The following DLGAP1 variants were observed in gnomAD, a reference collection of about 807,000 sequenced individuals.
The protein encoded by DLGAP1 is DLG associated protein 1, also known as disks large-associated protein 1.
A neutral mutation model predicts 90.8 loss-of-function variants in DLGAP1; 11 were observed. The ratio of observed to expected loss-of-function variants is 0.12; its 90% CI spans 0.08 to 0.20. The LOEUF is 0.20. DLGAP1 is among the 10% of genes least tolerant of loss of function. DLGAP1 has a pLI of 1.00. For synonymous variants in DLGAP1, 558 were observed against 540.7 expected (o/e 1.03, Z -0.44); for missense variants, 1,050 against 1,333.8 (o/e 0.79, Z 3.31).
chr18:4,367,493 G>C (rs371535077), intron 1 of DLGAP1, among the ~76,000 whole-genome samples: 11 of 151,938 alleles, frequency 7.2e-5, no homozygotes, highest in African/African-American at 2.7e-4. Context: ...AAAGAATCAA[G>C]TTACTCCTTA....
chr18:4,120,893 C>G (rs535229565), intron 2 of DLGAP1, among the ~76,000 whole-genome samples: 1 of 152,236 alleles, frequency 6.6e-6, no homozygotes, highest in East Asian at 1.9e-4. Flanking sequence ...AGGCTAGATA[C>G]TGGGCTAGGC....
chr18:4,409,359 G>A (rs1291572119), intron 1 of DLGAP1, among the ~76,000 whole-genome samples: 2 of 152,018 alleles, frequency 1.3e-5, no homozygotes, highest in African/African-American at 4.8e-5. Flanking sequence ...TATGTGGAAG[G>A]CAGTAAGCAG....
Position 3,600,767 on chromosome 18 carries a change from TATATATAGATATATAGATATATATAG to T in DLGAP1, c.1592-18545_1592-18520del, listed in dbSNP as rs2056887137. On this transcript the variant is annotated intron_variant, in intron 7 of 12. Coordinates refer to ENST00000315677, the MANE Select transcript of DLGAP1 (RefSeq NM_004746.4). Reference sequence around the variant, plus strand: ...ATATAGATATATATAGATATATAGATATATATAGATATATAGATATATATAGATATATAGATATATAGATATATATA... The same window carrying T: ...ATATAGATATATATAGATATATAGATATATATAGATATATAGATATATATA... Among the ~76,000 whole-genome samples the T allele has an allele frequency of 5.1e-4, 18 of 35,290 alleles. 1 individual carries two copies. The highest frequency in any genetic ancestry group is 1.7e-3 in the Admixed American group (6 of 3,464). The allele number at this position is 35,290 out of a possible 152,430, so 23.2% of individuals were successfully genotyped here.
rs561179200 is a variant in DLGAP1 at position 4,437,224 on chromosome 18, A to C, written c.-267+17782T>G. Among the ~76,000 whole-genome samples, 117 of 152,338 alleles carry C rather than the reference A, an allele frequency of 7.7e-4. 1 individual carries two copies. Among genetic ancestry groups the C allele is most frequent in the African/African-American group, 2.7e-3 (113 of 41,576 alleles). Reference sequence around the variant, plus strand: ...TTAATGCAACTTTAGAGATAAGAAAAATAATCAATAAAGCCTCACAACATA... The same window carrying C: ...TTAATGCAACTTTAGAGATAAGAAACATAATCAATAAAGCCTCACAACATA... On this transcript the variant is annotated intron_variant, in intron 1 of 12. Transcript: ENST00000315677.
At chr18:4,357,335 G>C (rs113547419) in intron 1 of DLGAP1, among the ~76,000 whole-genome samples, 2 of 151,664 alleles carry the variant, frequency 1.3e-5, no homozygotes, top group African/African-American at 4.8e-5. Flanking sequence ...TGTATTTTTA[G>C]TAGAGATGGG....
chr18:3,590,168 C>A (rs2056149883), intron 7 of DLGAP1, among the ~76,000 whole-genome samples: 1 of 152,158 alleles, frequency 6.6e-6, no homozygotes, highest in African/African-American at 2.4e-5. Context: ...CCTTAGCCTC[C>A]CAAAGTGTTG....
chr18:3,842,726 A>C (rs887912314), intron 4 of DLGAP1, among the ~76,000 whole-genome samples: 1 of 152,106 alleles, frequency 6.6e-6, no homozygotes, highest in Non-Finnish European at 1.5e-5. Flanking sequence ...TAGTGGTGCC[A>C]TTTACAGGGG....
At chr18:4,298,416 A>G (rs2080037006) in intron 1 of DLGAP1, among the ~76,000 whole-genome samples, 1 of 152,192 alleles carries the variant, frequency 6.6e-6, no homozygotes, top group Non-Finnish European at 1.5e-5. Context: ...TTAAAGAAGC[A>G]TATACACCAT....
intron 7 of DLGAP1, among the ~76,000 whole-genome samples, chr18:3,619,288 AAGC>A (rs1177071762): frequency 2.0e-5 from 3 of 152,236 alleles, no homozygotes; most frequent in Non-Finnish European, 4.4e-5. Flanking sequence ...CAAAGGTAAT[AAGC>A]AGAAATTTCA....
At chr18:3,781,158 A>C (rs2065173917) in intron 5 of DLGAP1, among the ~76,000 whole-genome samples, 1 of 151,864 alleles carries the variant, frequency 6.6e-6, no homozygotes, top group Non-Finnish European at 1.5e-5. Context: ...GTGATTGTTA[A>C]AGGTGTGAGA....
intron 3 of DLGAP1, among the ~76,000 whole-genome samples, chr18:3,973,210 T>A (rs1280600246): frequency 6.6e-6 from 1 of 150,622 alleles, no homozygotes; most frequent in Non-Finnish European, 1.5e-5. Context: ...GAAACTAAGA[T>A]GGTCCTACCT....
chr18:4,049,183 C>T (rs1449821028), intron 2 of DLGAP1, among the ~76,000 whole-genome samples: 3 of 149,546 alleles, frequency 2.0e-5, no homozygotes, highest in South Asian at 2.1e-4. Context: ...GCCAAGATCA[C>T]GCCACTGCAC....
chr18:4,394,758 C>T (rs529341376), intron 1 of DLGAP1, among the ~76,000 whole-genome samples: 9 of 152,238 alleles, frequency 5.9e-5, no homozygotes, highest in Non-Finnish European at 8.8e-5. Context: ...TTGATGATCA[C>T]GGAAATTAGT....
At chr18:3,744,442 G>C (rs190129587) in intron 5 of DLGAP1, among the ~76,000 whole-genome samples, 1 of 152,118 alleles carries the variant, frequency 6.6e-6, no homozygotes, top group Non-Finnish European at 1.5e-5. Context: ...AAGGCACTAA[G>C]TAAGTGCTAA....
intron 1 of DLGAP1, among the ~76,000 whole-genome samples, chr18:4,175,913 G>A (rs1480610390): frequency 3.9e-5 from 6 of 152,046 alleles, no homozygotes; most frequent in Non-Finnish European, 7.4e-5. Context: ...TGTATGGGGT[G>A]TTCTTTGATT....
chr18:3,632,202 A>G (rs2058550404), intron 7 of DLGAP1, among the ~76,000 whole-genome samples: 1 of 152,046 alleles, frequency 6.6e-6, no homozygotes, highest in African/African-American at 2.4e-5. Context: ...TTTTTCTTCT[A>G]CATAAAATAA....
chr18:3,607,566 A>G (rs1955765438), intron 7 of DLGAP1: 2 of 152,232 alleles, frequency 1.3e-5, no homozygotes, highest in African/African-American at 4.8e-5. Context: ...CTTAAGGAAC[A>G]TGGACCCATA....
intron 3 of DLGAP1, among the ~76,000 whole-genome samples, chr18:3,982,012 C>T (rs1434822424): frequency 6.6e-6 from 1 of 151,676 alleles, no homozygotes; most frequent in Non-Finnish European, 1.5e-5. Context: ...AAGTAAAATG[C>T]ATTTTCTAAT....
intron 3 of DLGAP1, among the ~76,000 whole-genome samples, chr18:3,946,571 G>C (rs547932581): frequency 6.6e-6 from 1 of 151,968 alleles, no homozygotes; most frequent in South Asian, 2.1e-4. Context: ...ATTAGTGATG[G>C]GGGTTTTCTG....
Sources: allele counts gnomAD v4.1 joint callset (sites outside exome capture counted in the v4.1 genomes callset), GRCh38; gene constraint gnomAD v4.1.1; transcripts MANE v1.5; gene names NCBI Gene and HGNC (gene_info 2026-07-23, HGNC 2026-07-21).